Variants in GALNT17 observed in about 807,000 individuals in gnomAD.
GALNT17 encodes the protein polypeptide N-acetylgalactosaminyltransferase 17.
Under a neutral mutation model 63.7 loss-of-function variants are expected in GALNT17, and 29 were observed. That is an observed-to-expected ratio of 0.46 (90% CI 0.34 to 0.62). The LOEUF is 0.62. Ranked by LOEUF, GALNT17 falls within the 20% of genes least tolerant of loss-of-function variation. The pLI is 0.01. For missense variants in GALNT17, 603 were observed against 799.6 expected, an observed-to-expected ratio of 0.75 and a Z score of 2.97; for synonymous variants, 305 against 318.3, an observed-to-expected ratio of 0.96 and a Z score of 0.45.
At chr7:71,390,184 A>G (rs892977908) in intron 3 of GALNT17, among the ~76,000 whole-genome samples, 6 of 152,206 alleles carry the variant, frequency 3.9e-5, no homozygotes, top group Non-Finnish European at 8.8e-5. Context: ...CGTGCTGGGT[A>G]GGAGAGGGAT....
intron 6 of GALNT17, among the ~76,000 whole-genome samples, chr7:71,611,160 C>T (rs989204011): frequency 6.6e-6 from 1 of 152,062 alleles, no homozygotes; most frequent in Non-Finnish European, 1.5e-5. Flanking sequence ...CTTCTTTCCC[C>T]GAGACCATTA....
At chr7:71,669,760 G>A (rs34854367) in intron 7 of GALNT17, among the ~76,000 whole-genome samples, 28,105 of 151,466 alleles carry the variant, frequency 0.19, 3,775 homozygotes, top group East Asian at 0.59. Context: ...ACGGGGTTTC[G>A]CCGTGTTGGC....
intron 5 of GALNT17, among the ~76,000 whole-genome samples, chr7:71,483,780 C>A (rs910704215): frequency 6.6e-6 from 1 of 152,140 alleles, no homozygotes; most frequent in South Asian, 2.1e-4. Flanking sequence ...GACACTCTGA[C>A]AATAATCACT....
chr7:71,315,863 G>A (rs76519105), intron 1 of GALNT17, among the ~76,000 whole-genome samples: 17 of 152,172 alleles, frequency 1.1e-4, no homozygotes, highest in African/African-American at 3.6e-4. Context: ...GGATAACTGG[G>A]ACATGGAAGG....
At chr7:71,146,470 G>T (rs764450685) in intron 1 of GALNT17, among the ~76,000 whole-genome samples, 14 of 152,164 alleles carry the variant, frequency 9.2e-5, no homozygotes, top group Non-Finnish European at 1.6e-4. Context: ...AAGGATGAAG[G>T]GGGAGGGGAC....
intron 7 of GALNT17, among the ~76,000 whole-genome samples, chr7:71,668,725 T>G (rs1791022933): frequency 6.6e-6 from 1 of 152,154 alleles, no homozygotes; most frequent in African/African-American, 2.4e-5. Flanking sequence ...ATCCTGTCTC[T>G]GCTAATTCCT....
chr7:71,567,035 C>A (rs1789360567), intron 5 of GALNT17, among the ~76,000 whole-genome samples: 1 of 152,218 alleles, frequency 6.6e-6, no homozygotes, highest in Non-Finnish European at 1.5e-5. Context: ...GAGTTGTCTT[C>A]ATTTCCAAAG....
chr7:71,478,927 C>G (rs1787768318), intron 5 of GALNT17, among the ~76,000 whole-genome samples: 1 of 152,198 alleles, frequency 6.6e-6, no homozygotes, highest in Non-Finnish European at 1.5e-5. Context: ...TCCCTTTTCT[C>G]TGAAACTAGC....
At chr7:71,389,876 A>G (rs898655366) in intron 3 of GALNT17, among the ~76,000 whole-genome samples, 1 of 152,200 alleles carries the variant, frequency 6.6e-6, no homozygotes, top group Non-Finnish European at 1.5e-5. Flanking sequence ...ATGATGGCTC[A>G]ATGAAAACTG....
intron 2 of GALNT17, among the ~76,000 whole-genome samples, chr7:71,377,104 AAATAAAAAAAATAT>A (rs1176879033): frequency 1.8e-5 from 1 of 56,290 alleles, no homozygotes; most frequent in African/African-American, 9.6e-5. Context: ...AAAAAAATAA[AAATAAAAAAAATAT>A]ATATATATAT....
chr7:71,684,023 AAAAC>A (rs1791311613), intron 9 of GALNT17, among the ~76,000 whole-genome samples: 1 of 151,312 alleles, frequency 6.6e-6, no homozygotes, highest in Non-Finnish European at 1.5e-5. Flanking sequence ...AAAAAAAAAA[AAAAC>A]AAAAGAAACC....
At chr7:71,246,823 C>T (rs1031663300) in intron 1 of GALNT17, among the ~76,000 whole-genome samples, 8 of 125,888 alleles carry the variant, frequency 6.4e-5, no homozygotes, top group African/African-American at 1.3e-4. Context: ...AGCGAGACTC[C>T]GTCTCAAAAA....
intron 1 of GALNT17, chr7:71,307,820 C>G (rs1218211257): frequency 6.6e-6 from 1 of 152,360 alleles, no homozygotes; most frequent in African/African-American, 2.4e-5. Context: ...TAGAACAATG[C>G]TTATGAGTGA....
At chr7:71,504,099 G>T (rs1203728298) in intron 5 of GALNT17, among the ~76,000 whole-genome samples, 4 of 151,990 alleles carry the variant, frequency 2.6e-5, no homozygotes. Context: ...ATGGTGGCGG[G>T]AACCTGTAGT....
In GALNT17 at chr7:71,158,268, G is replaced by A. The variant is rs996789100; in HGVS notation, c.238+25228G>A. ...TCAATGGGTGCTGCTGTGTTCTGTGGTTTCGTGGCCAAGGTAGTTGGCACT... is the reference window on the plus strand; with the variant it reads ...TCAATGGGTGCTGCTGTGTTCTGTGATTTCGTGGCCAAGGTAGTTGGCACT... On this transcript the variant is annotated intron_variant, in intron 1 of 10. Transcript: ENST00000333538. Among the ~76,000 whole-genome samples the A allele has an allele frequency of 4.6e-5, 7 of 151,732 alleles. 1 individual carries two copies. The highest frequency in any genetic ancestry group is 1.7e-4 in the African/African-American group (7 of 41,084).
chr7:71,237,733 C>G (rs574786758), intron 1 of GALNT17, among the ~76,000 whole-genome samples: 1 of 152,124 alleles, frequency 6.6e-6, no homozygotes, highest in African/African-American at 2.4e-5. Context: ...AGCCCCAGCA[C>G]AGAGCTTAGC....
intron 6 of GALNT17, among the ~76,000 whole-genome samples, chr7:71,636,150 A>G (rs1279007474): frequency 2.0e-5 from 3 of 152,142 alleles, no homozygotes; most frequent in African/African-American, 7.2e-5. Flanking sequence ...TCATCTGAGT[A>G]TTTATCTTTT....
intron 1 of GALNT17, among the ~76,000 whole-genome samples, chr7:71,187,289 T>TC (rs1034660053): frequency 1.4e-5 from 2 of 143,920 alleles, no homozygotes; most frequent in South Asian, 2.1e-4. Flanking sequence ...TTTCTTTCTT[T>TC]TTTTTTTTTT....
chr7:71,344,435 G>A (rs1213875760), intron 2 of GALNT17, among the ~76,000 whole-genome samples: 1 of 152,262 alleles, frequency 6.6e-6, no homozygotes, highest in South Asian at 2.1e-4. Context: ...AGAAAAATTT[G>A]GAGTGGAAGG....
Sources: allele counts gnomAD v4.1 joint callset (sites outside exome capture counted in the v4.1 genomes callset), GRCh38; gene constraint gnomAD v4.1.1; transcripts MANE v1.5; gene names NCBI Gene and HGNC (gene_info 2026-07-23, HGNC 2026-07-21).